IPO5: variants seen among roughly 807,000 people sequenced by gnomAD.
IPO5 encodes importin-5.
IPO5 carries 18 observed loss-of-function variants against 143.3 expected under a neutral mutation model. The observed-to-expected ratio is 0.13, with a 90% CI of 0.09 to 0.19. The LOEUF (loss-of-function observed/expected upper bound fraction) is 0.19, where lower values mean the gene tolerates loss of function less well. IPO5 is among the 10% of genes least tolerant of loss of function. The pLI, the probability that IPO5 is intolerant of heterozygous loss-of-function variation, is 1.00. For synonymous variants in IPO5, 477 were observed against 465.7 expected (o/e 1.02, Z -0.31); for missense variants, 1,013 against 1,336.9 (o/e 0.76, Z 3.78).
intron 4 of IPO5, among the ~76,000 whole-genome samples, chr13:97,980,289 T>A (rs1758891757): frequency 6.6e-6 from 1 of 152,214 alleles, no homozygotes; most frequent in African/African-American, 2.4e-5. Context: ...TATATTTGGA[T>A]TACCACAGTG....
intron 2 of IPO5, among the ~76,000 whole-genome samples, chr13:97,959,089 T>G (rs181031610): frequency 2.0e-5 from 3 of 151,926 alleles, no homozygotes; most frequent in East Asian, 3.9e-4. Context: ...AGAGAATTGC[T>G]TGAACCTAGG....
intron 6 of IPO5, among the ~76,000 whole-genome samples, chr13:97,987,534 T>A (rs972612459): frequency 3.3e-5 from 5 of 152,170 alleles, no homozygotes; most frequent in African/African-American, 1.2e-4. Flanking sequence ...TTCAAATTAA[T>A]TTTTTTAGAC....
chr13:98,000,056 G>A (rs1230767898), intron 12 of IPO5, among the ~76,000 whole-genome samples: 3 of 152,144 alleles, frequency 2.0e-5, no homozygotes, highest in Admixed American at 6.5e-5. Context: ...AGGCCCAGGC[G>A]GGCGCATCAC....
intron 7 of IPO5, 67 bp from the exon 8 acceptor site, chr13:97,990,059 C>G (rs553449450): frequency 2.1e-6 from 2 of 941,112 alleles, no homozygotes; most frequent in Admixed American, 1.9e-5. Context: ...ATTAGAGATT[C>G]TAGCTCATAC....
chr13:97,970,462 T>TA (rs1050352342), intron 3 of IPO5, among the ~76,000 whole-genome samples: 50 of 150,614 alleles, frequency 3.3e-4, no homozygotes, highest in Middle Eastern at 3.4e-3. Flanking sequence ...CTACTAAAAA[T>TA]AAAAAAAAAT....
chr13:97,985,938 C>G (rs533404756), intron 6 of IPO5, among the ~76,000 whole-genome samples: 2 of 152,132 alleles, frequency 1.3e-5, no homozygotes, highest in African/African-American at 4.8e-5. Context: ...ACCTGGGCAA[C>G]ATGGCAAAAC....
At chr13:98,005,363 ATTTT>A (rs1311915676) in intron 16 of IPO5, among the ~76,000 whole-genome samples, 6 of 120,370 alleles carry the variant, frequency 5.0e-5, no homozygotes, top group Admixed American at 8.2e-5. Context: ...CACCTGGCTA[ATTTT>A]TATTTATTTA....
At position 98,016,758 on chromosome 13, in the gene IPO5, A is replaced by G; in HGVS notation, c.2523A>G (p.Lys841=). The G allele has an allele frequency of 6.6e-7, 1 of 1,505,306 alleles. No homozygotes were observed. The highest frequency in any genetic ancestry group is 9.0e-7 in the Non-Finnish European group (1 of 1,105,646). 93.2% of individuals were successfully genotyped at this position (1,505,306 alleles called of 1,614,324 possible). ...ATAATGATGTTTATATTCTGACCAA[A>G]GTGTCAGATATTTTACACTCAATAT... The part of the protein sequence containing the change: ...EDDNDVYILT[K]VSDILHSIFS... Residue 841 remains lysine (K), a synonymous_variant, in exon 25 of 29, where the codon AAA becomes AAG. Transcript: ENST00000651721.
At chr13:98,007,987 G>A in intron 17 of IPO5, 72 bp from the exon 18 acceptor site, 4 of 860,434 alleles carry the variant, frequency 4.6e-6, no homozygotes, top group Non-Finnish European at 7.6e-6. Context: ...CGATTTTTTG[G>A]CAAAGCTTTG....
chr13:97,997,127 A>G (rs1272664100), intron 11 of IPO5, among the ~76,000 whole-genome samples: 9 of 152,260 alleles, frequency 5.9e-5, no homozygotes, highest in African/African-American at 2.4e-5. Context: ...TTGCCGAGGT[A>G]CATATATTAT....
intron 6 of IPO5, among the ~76,000 whole-genome samples, chr13:97,988,423 A>G (rs183182258): frequency 1.3e-5 from 2 of 152,334 alleles, no homozygotes; most frequent in Admixed American, 1.3e-4. Flanking sequence ...TGGTATATAT[A>G]AAGGAGTCAG....
At chr13:97,960,439 C>G (rs1006190280) in intron 2 of IPO5, 3 of 152,116 alleles carry the variant, frequency 2.0e-5, no homozygotes, top group Non-Finnish European at 2.9e-5. Context: ...GAAAAAATCA[C>G]TAATTGAGGT....
rs1276084259 is a variant in IPO5, at chr13:98,023,159, A to C, written c.*1337A>C. 6.6e-6 allele frequency: 1 copy of C among 152,656 alleles called. No homozygotes were observed. Among genetic ancestry groups the C allele is most frequent in the Non-Finnish European group, 1.5e-5 (1 of 68,052 alleles). 9.5% of individuals were successfully genotyped at this position (152,656 alleles called of 1,614,324 possible). ...ATTACATACAGATGGTTTCCTTGTTAGCAGATGCCCTTCAAATATATTTTA... is the reference window on the plus strand; with the variant it reads ...ATTACATACAGATGGTTTCCTTGTTCGCAGATGCCCTTCAAATATATTTTA... On this transcript the variant is annotated 3_prime_UTR_variant, in exon 29 of 29. Transcript: ENST00000651721.
chr13:97,982,618 AG>A, intron 5 of IPO5, 35 bp downstream of exon 5: 3 of 1,282,994 alleles, frequency 2.3e-6, no homozygotes, highest in Non-Finnish European at 3.4e-6. Flanking sequence ...TTACATTCTT[AG>A]AAAATAAGTT....
intron 4 of IPO5, among the ~76,000 whole-genome samples, chr13:97,977,953 A>G (rs1299330895): frequency 6.6e-6 from 1 of 152,208 alleles, no homozygotes; most frequent in African/African-American, 2.4e-5. Flanking sequence ...AGGCCTGAAG[A>G]CTTTTCCAGG....
chr13:97,955,516 A>G (rs1884395330), intron 2 of IPO5, among the ~76,000 whole-genome samples: 1 of 152,182 alleles, frequency 6.6e-6, no homozygotes, highest in African/African-American at 2.4e-5. Flanking sequence ...AGGCAGAAAT[A>G]TAAGAGTTGA....
rs763913142 is a variant in IPO5, at chr13:97,969,727, G to A, written c.-108G>A. On this transcript the variant is annotated 5_prime_UTR_variant, in exon 3 of 29. Transcript: ENST00000651721. ...ATTCTGTTTCTGTCAAATCAGCAGA[G>A]GAAAGAAATTCCTAAGGGAACACTG... 3 of 1,392,120 alleles carry A rather than the reference G, an allele frequency of 2.2e-6. No individual in the cohort carries two copies. In the South Asian group the frequency reaches 3.5e-5, roughly 16 times the overall value. The allele number at this position is 1,392,120 out of a possible 1,614,324, so 86.2% of individuals were successfully genotyped here.
At chr13:97,958,251 T>C (rs1327123350) in intron 2 of IPO5, among the ~76,000 whole-genome samples, 1 of 152,140 alleles carries the variant, frequency 6.6e-6, no homozygotes, top group East Asian at 1.9e-4. Context: ...GCCCTCTTCC[T>C]GGGCTCCATT....
intron 20 of IPO5, among the ~76,000 whole-genome samples, chr13:98,010,728 AGTTTTCTTTTT>A (rs1218473038): frequency 1.8e-4 from 25 of 135,690 alleles, no homozygotes; most frequent in African/African-American, 6.5e-4. Flanking sequence ...TTTAGTTCCT[AGTTTTCTTTTT>A]GTTTTCTTTA....
Sources: allele counts gnomAD v4.1 joint callset (sites outside exome capture counted in the v4.1 genomes callset), GRCh38; gene constraint gnomAD v4.1.1; transcripts MANE v1.5; gene names NCBI Gene and HGNC (gene_info 2026-07-23, HGNC 2026-07-21).